The following NFATC2 variants were observed in gnomAD, a reference collection of about 807,000 sequenced individuals.
The protein encoded by NFATC2 is nuclear factor of activated T-cells, cytoplasmic 2.
In NFATC2, 22 loss-of-function variants were observed where a neutral mutation model predicts 87.3. That is an observed-to-expected ratio of 0.25 (90% CI 0.18 to 0.36). The LOEUF is 0.36. Among genes scored for constraint, NFATC2 ranks in the 10% least tolerant of loss-of-function variants. The pLI is 1.00. For synonymous variants in NFATC2, 565 were observed against 542.2 expected, an observed-to-expected ratio of 1.04 and a Z score of -0.58; for missense variants, 1,149 against 1,259.1, an observed-to-expected ratio of 0.91 and a Z score of 1.32.
intron 6 of NFATC2, among the ~76,000 whole-genome samples, chr20:51,443,696 T>A (rs1984670225): frequency 6.6e-6 from 1 of 152,154 alleles, no homozygotes; most frequent in East Asian, 1.9e-4. Context: ...GGAACAGGAC[T>A]GAGAAGACCA....
intron 6 of NFATC2, among the ~76,000 whole-genome samples, chr20:51,447,528 GGCGC>G (rs1985221569): frequency 6.6e-6 from 1 of 152,184 alleles, no homozygotes; most frequent in South Asian, 2.1e-4. Context: ...ATCCCACCCA[GGCGC>G]AGCGAGTCGC....
chr20:51,555,091 G>A (rs1213037823), intron 1 of NFATC2, among the ~76,000 whole-genome samples: 1 of 152,128 alleles, frequency 6.6e-6, no homozygotes, highest in African/African-American at 2.4e-5. Flanking sequence ...GCCCCACACT[G>A]GCCCCAGCCA....
chr20:51,465,013 ATCT>A (rs1987534472), intron 5 of NFATC2, among the ~76,000 whole-genome samples: 1 of 152,274 alleles, frequency 6.6e-6, no homozygotes, highest in East Asian at 1.9e-4. Context: ...TGTCCCTCTC[ATCT>A]TCTTTCTTCC....
At chr20:51,450,083 A>G (rs943785915) in intron 6 of NFATC2, among the ~76,000 whole-genome samples, 4 of 152,206 alleles carry the variant, frequency 2.6e-5, no homozygotes, top group African/African-American at 9.6e-5. Flanking sequence ...AAAGCACCCA[A>G]CGTGTATAAT....
chr20:51,397,782 C>A (rs570157255), intron 10 of NFATC2, among the ~76,000 whole-genome samples: 17 of 152,280 alleles, frequency 1.1e-4, no homozygotes, highest in African/African-American at 4.1e-4. Flanking sequence ...AGCGTCAGCT[C>A]CCCTGGGTGT....
chr20:51,495,843 C>T (rs766993370), intron 3 of NFATC2, among the ~76,000 whole-genome samples: 41 of 152,204 alleles, frequency 2.7e-4, no homozygotes, highest in Non-Finnish European at 5.3e-4. Flanking sequence ...TCAATCATCC[C>T]TCCTCTGTCC....
Position 51,517,013 on chromosome 20 carries a change from A to G in NFATC2, c.1161-58T>C, listed in dbSNP as rs770009361. On this transcript the variant is annotated intron_variant, in intron 2 of 10. Transcript: ENST00000371564. ...AATAAACCAAAATTAGTCAACTTGT[A>G]CAATAATTGTAAACGGCCCTTTCTG... 64 of 1,519,572 alleles carry G rather than the reference A, an allele frequency of 4.2e-5. 1 individual carries two copies. The highest frequency in any genetic ancestry group is 4.9e-5 in the Non-Finnish European group (55 of 1,118,296). The allele number at this position is 1,519,572 out of a possible 1,614,324, so 94.1% of individuals were successfully genotyped here. A position where few individuals can be genotyped will look rare whatever the true frequency, so the allele number is the denominator to read the frequency against.
At chr20:51,448,381 C>A (rs532179220) in intron 6 of NFATC2, among the ~76,000 whole-genome samples, 23 of 152,280 alleles carry the variant, frequency 1.5e-4, no homozygotes, top group African/African-American at 5.5e-4. Context: ...GTGGCTCGCG[C>A]CTGTAATCCC....
rs958659564 is a variant in NFATC2 at position 51,480,926 on chromosome 20, G to A, written c.1333-5266C>T. ...GAATGTGAACAAAGTGAGAACCAAC[G>A]TGAAGGCCTCCCATATGGGAAAGCC... On this transcript the variant is annotated intron_variant, in intron 3 of 10. Coordinates refer to ENST00000371564, the MANE Select transcript of NFATC2 (RefSeq NM_012340.5). The surrounding 1 kb of genome is among the most constrained non-coding windows in gnomAD (Gnocchi z 4.2). Among the ~76,000 whole-genome samples the A allele has an allele frequency of 1.3e-5, 2 of 152,150 alleles. No individual in the cohort carries two copies. Among genetic ancestry groups the A allele is most frequent in the East Asian group, 1.9e-4 (1 of 5,196 alleles).
chr20:51,497,127 C>A (rs2076001852), intron 3 of NFATC2, among the ~76,000 whole-genome samples: 1 of 152,180 alleles, frequency 6.6e-6, no homozygotes, highest in Admixed American at 6.5e-5. Flanking sequence ...GGGACTAGCA[C>A]CCAGGTTACT....
intron 9 of NFATC2, among the ~76,000 whole-genome samples, chr20:51,427,153 T>A (rs1981954409): frequency 6.6e-6 from 1 of 152,076 alleles, no homozygotes; most frequent in African/African-American, 2.4e-5. Context: ...TGGCTGAGTC[T>A]CTGGGCAGCT....
chr20:51,395,123 G>A (rs564035308), intron 10 of NFATC2, among the ~76,000 whole-genome samples: 10 of 152,272 alleles, frequency 6.6e-5, no homozygotes, highest in South Asian at 2.1e-4. Context: ...GAAAGAATAC[G>A]AGCCATTCAC....
At chr20:51,530,417 C>G (rs2076614155) in intron 1 of NFATC2, among the ~76,000 whole-genome samples, 1 of 152,178 alleles carries the variant, frequency 6.6e-6, no homozygotes. Context: ...GATCTGCCCA[C>G]CTCGGCCTGC....
In NFATC2 at chr20:51,388,979, A is replaced by G. The variant is rs1986053551; in HGVS notation, c.*2517T>C. On this transcript the variant is annotated 3_prime_UTR_variant, in exon 11 of 11. Coordinates refer to ENST00000371564, the MANE Select transcript of NFATC2 (RefSeq NM_012340.5). The stretch of plus-strand genomic sequence containing the variant: ...TTCCTCCTAGCATTTGTAACTGACA[A>G]AACTTCCTTGATAGCTGTCAGTTCC... 6.6e-6 allele frequency: 1 copy of G among 152,348 alleles called. No homozygotes were observed. Among genetic ancestry groups the G allele is most frequent in the Non-Finnish European group, 1.5e-5 (1 of 68,040 alleles). 9.4% of individuals were successfully genotyped at this position (152,348 alleles called of 1,614,324 possible).
At position 51,523,158 on chromosome 20, in the gene NFATC2, T is replaced by G. The variant is rs1419056883; in HGVS notation, c.1083A>C (p.Arg361Ser). ...GCAGGATGGATTCTGGAGCCGAGTT[T>G]CTCCTCTCGCCCTGCTCGCAGGGCC... ...FLGPCEQGER[R>S]NSAPESILLV... Residue 361 changes from arginine to serine, a missense_variant, in exon 2 of 11, where the codon AGA (arginine) becomes AGC (serine). Coordinates refer to ENST00000371564, the MANE Select transcript of NFATC2 (RefSeq NM_012340.5). The surrounding 1 kb of genome is among the most constrained non-coding windows in gnomAD (Gnocchi z 6.9). The G allele has an allele frequency of 6.2e-7, 1 of 1,614,132 alleles. No homozygotes were observed. The highest frequency in any genetic ancestry group is 1.1e-5 in the South Asian group (1 of 91,086).
chr20:51,410,164 CAT>C (rs1978980797), intron 9 of NFATC2, among the ~76,000 whole-genome samples: 1 of 129,124 alleles, frequency 7.7e-6, no homozygotes, highest in South Asian at 2.6e-4. Flanking sequence ...GAGCCGAGAT[CAT>C]GCCACTGCAC....
At position 51,387,090 on chromosome 20, in the gene NFATC2, A is replaced by G. The variant is rs1985845260; in HGVS notation, c.*4406T>C. ...TTTGCATAGGAATGTGATGTATTCAAACGCCTTTAACAGTCAGGATTTTCT... is the reference window on the plus strand; with the variant it reads ...TTTGCATAGGAATGTGATGTATTCAGACGCCTTTAACAGTCAGGATTTTCT... On this transcript the variant is annotated 3_prime_UTR_variant, in exon 11 of 11. Transcript: ENST00000371564. 1 of 152,260 alleles carries G rather than the reference A, an allele frequency of 6.6e-6. No homozygotes were observed. Among genetic ancestry groups the G allele is most frequent in the African/African-American group, 2.4e-5 (1 of 41,472 alleles). The allele number at this position is 152,260 out of a possible 1,614,324, so 9.4% of individuals were successfully genotyped here. A position where few individuals can be genotyped will look rare whatever the true frequency, so the allele number is the denominator to read the frequency against.
chr20:51,554,831 A>G (rs4811193), intron 1 of NFATC2, among the ~76,000 whole-genome samples: 129,635 of 152,176 alleles, frequency 0.85, 55,484 homozygotes, highest in Middle Eastern at 0.94. Context: ...GATGAAACCC[A>G]GAAAAGTCTT....
chr20:51,423,294 A>AG (rs1184432023), intron 9 of NFATC2, among the ~76,000 whole-genome samples: 1 of 146,664 alleles, frequency 6.8e-6, no homozygotes, highest in Non-Finnish European at 1.5e-5. Context: ...CCTCTCTCAA[A>AG]AAAAAAAAAA....
Sources: gnomAD v4.1 joint callset for allele counts (sites outside exome capture counted in the v4.1 genomes callset) on GRCh38, gnomAD v4.1.1 for gene constraint, Gnocchi (gnomAD v3.1) non-coding constraint, MANE v1.5 for transcripts, NCBI Gene and HGNC (gene_info 2026-07-23, HGNC 2026-07-21) for gene names.